CADM2: variants seen among roughly 807,000 people sequenced by gnomAD.
CADM2 encodes the protein cell adhesion molecule 2, also known as immunoglobulin superfamily member 4D.
CADM2 carries 12 observed loss-of-function variants against 49.8 expected under a neutral mutation model. The observed-to-expected ratio is 0.24, with a 90% CI of 0.15 to 0.39. CADM2 has a LOEUF of 0.39. CADM2 is among the 10% of genes least tolerant of loss of function. The pLI is 1.00. For missense variants in CADM2, 378 were observed against 492.3 expected, an observed-to-expected ratio of 0.77 and a Z score of 2.20; for synonymous variants, 214 against 175.4, an observed-to-expected ratio of 1.22 and a Z score of -1.74.
chr3:85,636,369 G>T (rs971721521), intron 1 of CADM2, among the ~76,000 whole-genome samples: 3 of 151,836 alleles, frequency 2.0e-5, no homozygotes, highest in African/African-American at 7.3e-5. Flanking sequence ...ATGAAAAATT[G>T]AAAAAAGCTT....
chr3:85,373,217 A>G (rs1559806821), intron 1 of CADM2, among the ~76,000 whole-genome samples: 1 of 152,208 alleles, frequency 6.6e-6, no homozygotes, highest in Admixed American at 6.5e-5. Flanking sequence ...GGCTACAGGC[A>G]TTGGTAAATA....
intron 1 of CADM2, among the ~76,000 whole-genome samples, chr3:85,241,792 GT>G (rs949424221): frequency 6.6e-6 from 1 of 151,354 alleles, no homozygotes; most frequent in African/African-American, 2.4e-5. Context: ...TCTCTTTCAG[GT>G]AGGTCATTTA....
At chr3:85,603,846 CTACTAACCTGTTTTGCTAACTT>C (rs2063482827) in intron 1 of CADM2, among the ~76,000 whole-genome samples, 1 of 151,932 alleles carries the variant, frequency 6.6e-6, no homozygotes, top group African/African-American at 2.4e-5. Context: ...AAAACAATTT[CTACTAACCTGTTTTGCTAACTT>C]CTTATCTTCA....
intron 6 of CADM2, among the ~76,000 whole-genome samples, chr3:85,928,163 T>A (rs1577686570): frequency 6.6e-6 from 1 of 150,446 alleles, no homozygotes; most frequent in Admixed American, 6.6e-5. Flanking sequence ...GAAGAATTTT[T>A]TTTTTTTTTT....
chr3:85,025,997 A>T (rs1217731671), intron 1 of CADM2, among the ~76,000 whole-genome samples: 1 of 152,156 alleles, frequency 6.6e-6, no homozygotes, highest in South Asian at 2.1e-4. Context: ...TTGCCAACAC[A>T]TTCTTCACAG....
In CADM2 at chr3:86,072,671, C is replaced by T. The variant is rs1371647179; in HGVS notation, c.*5888C>T. The T allele has an allele frequency of 1.3e-5, 2 of 151,964 alleles. No homozygotes were observed. The highest frequency in any genetic ancestry group is 4.8e-5 in the African/African-American group (2 of 41,398). The allele number at this position is 151,964 out of a possible 1,614,324, so 9.4% of individuals were successfully genotyped here. On this transcript the variant is annotated 3_prime_UTR_variant, in exon 10 of 10. Coordinates refer to ENST00000383699, the MANE Select transcript of CADM2 (RefSeq NM_001167675.2). ...CTTTCTTCAGATGCTTTTTCGTGTA[C>T]ATGATACTAGTAGACACTTTTCTCT...
intron 1 of CADM2, among the ~76,000 whole-genome samples, chr3:85,483,118 T>G (rs543583491): frequency 1.3e-5 from 2 of 151,638 alleles, no homozygotes; most frequent in South Asian, 4.1e-4. Context: ...TCATGTTTAA[T>G]TTTTATTTAA....
At chr3:85,278,672 T>C (rs533168185) in intron 1 of CADM2, among the ~76,000 whole-genome samples, 1 of 151,232 alleles carries the variant, frequency 6.6e-6, no homozygotes, top group African/African-American at 2.4e-5. Flanking sequence ...CTGAAGTACA[T>C]AATTTTTCAG....
intron 1 of CADM2, among the ~76,000 whole-genome samples, chr3:85,082,266 A>T (rs2037192574): frequency 6.6e-6 from 1 of 152,182 alleles, no homozygotes; most frequent in South Asian, 2.1e-4. Flanking sequence ...AATATCCAAT[A>T]AATTGATATG....
intron 1 of CADM2, among the ~76,000 whole-genome samples, chr3:85,508,687 T>C (rs975766666): frequency 2.6e-5 from 4 of 152,200 alleles, no homozygotes; most frequent in African/African-American, 9.6e-5. Flanking sequence ...GGAAAATTCT[T>C]TGGTCTTGTT....
chr3:85,175,594 A>T (rs2040760671), intron 1 of CADM2, among the ~76,000 whole-genome samples: 1 of 152,060 alleles, frequency 6.6e-6, no homozygotes, highest in East Asian at 1.9e-4. Context: ...GGGAGGAGAG[A>T]ATGGGGAATC....
At chr3:85,748,197 T>G (rs1435037143) in intron 2 of CADM2, among the ~76,000 whole-genome samples, 1 of 152,084 alleles carries the variant, frequency 6.6e-6, no homozygotes, top group African/African-American at 2.4e-5. Context: ...GGAACATTCC[T>G]CTTCCAGACA....
intron 7 of CADM2, among the ~76,000 whole-genome samples, chr3:85,946,471 A>T (rs1203085923): frequency 6.6e-6 from 1 of 152,004 alleles, no homozygotes; most frequent in Non-Finnish European, 1.5e-5. Context: ...CGCATCGCCA[A>T]GTCAAGCCAA....
chr3:85,116,251 G>T (rs559426666), intron 1 of CADM2, among the ~76,000 whole-genome samples: 1 of 152,244 alleles, frequency 6.6e-6, no homozygotes, highest in African/African-American at 2.4e-5. Context: ...CTCTTAAACC[G>T]GGAGGCAGAG....
chr3:85,145,838 A>G (rs753722417), intron 1 of CADM2, among the ~76,000 whole-genome samples: 4 of 152,196 alleles, frequency 2.6e-5, no homozygotes, highest in African/African-American at 7.2e-5. Flanking sequence ...CATGGAACAT[A>G]TAAGTTATTT....
At chr3:85,594,823 A>G (rs996839195) in intron 1 of CADM2, among the ~76,000 whole-genome samples, 6 of 152,014 alleles carry the variant, frequency 3.9e-5, no homozygotes, top group African/African-American at 1.4e-4. Flanking sequence ...GAAATATTAT[A>G]ACCTGGGGCT....
At chr3:85,979,670 C>A (rs1033999796) in intron 8 of CADM2, among the ~76,000 whole-genome samples, 2 of 151,540 alleles carry the variant, frequency 1.3e-5, no homozygotes, top group East Asian at 3.9e-4. Context: ...ATATTAATAA[C>A]TTGCCACTCC....
intron 1 of CADM2, among the ~76,000 whole-genome samples, chr3:85,164,809 AATTT>A (rs755613002): frequency 3.3e-5 from 5 of 152,040 alleles, no homozygotes; most frequent in Non-Finnish European, 5.9e-5. Flanking sequence ...AGTAAATTCA[AATTT>A]ATTTATTTCC....
intron 3 of CADM2, among the ~76,000 whole-genome samples, chr3:85,855,594 A>G (rs1414462046): frequency 4.6e-5 from 5 of 108,660 alleles, no homozygotes; most frequent in Admixed American, 3.7e-4. Context: ...ACATATATAT[A>G]TATAAAACAT....
Sources: allele counts gnomAD v4.1 joint callset (sites outside exome capture counted in the v4.1 genomes callset), GRCh38; gene constraint gnomAD v4.1.1; transcripts MANE v1.5; gene names NCBI Gene and HGNC (gene_info 2026-07-23, HGNC 2026-07-21).